PTPRN2: variants seen among roughly 807,000 people sequenced by gnomAD.
PTPRN2 encodes protein tyrosine phosphatase receptor type N2.
A neutral mutation model predicts 118.8 loss-of-function variants in PTPRN2; 74 were observed. The observed-to-expected ratio is 0.62, with a 90% CI of 0.52 to 0.76. PTPRN2 has a LOEUF of 0.76. PTPRN2 is among the 30% of genes least tolerant of loss of function. PTPRN2 has a pLI of 0.00. For missense variants in PTPRN2, 1,481 were observed against 1,394.4 expected (o/e 1.06, Z -0.99); for synonymous variants, 641 against 608.0 (o/e 1.05, Z -0.80).
chr7:158,454,184 C>CACACACAATCACT, intron 2 of PTPRN2, among the ~76,000 whole-genome samples: 1 of 134,598 alleles, frequency 7.4e-6, no homozygotes, highest in South Asian at 2.4e-4. Flanking sequence ...CAAGACACAA[C>CACACACAATCACT]GCACACAATC....
intron 12 of PTPRN2, among the ~76,000 whole-genome samples, chr7:157,693,460 C>T (rs1384821054): frequency 6.6e-6 from 1 of 152,114 alleles, no homozygotes; most frequent in African/African-American, 2.4e-5. Flanking sequence ...GCCCCGGGAT[C>T]GGCCGCTGGG....
chr7:158,116,735 T>C (rs1816760980), intron 9 of PTPRN2, among the ~76,000 whole-genome samples: 1 of 152,218 alleles, frequency 6.6e-6, no homozygotes, highest in Admixed American at 6.5e-5. Context: ...CACCCATTTT[T>C]CCCACCTTCA....
intron 6 of PTPRN2, among the ~76,000 whole-genome samples, chr7:158,157,703 T>A: frequency 6.6e-6 from 1 of 152,152 alleles, no homozygotes; most frequent in East Asian, 1.9e-4. Context: ...GTCCTCAAGG[T>A]GCAGTGAGAC....
intron 12 of PTPRN2, among the ~76,000 whole-genome samples, chr7:157,749,222 T>C (rs1214653728): frequency 4.1e-5 from 5 of 121,338 alleles, no homozygotes; most frequent in Non-Finnish European, 1.7e-5. Context: ...CCTGCGTCCC[T>C]GAGCTGTGGG....
intron 12 of PTPRN2, among the ~76,000 whole-genome samples, chr7:157,684,452 G>A: frequency 6.7e-6 from 1 of 149,336 alleles, no homozygotes; most frequent in Non-Finnish European, 1.5e-5. Flanking sequence ...AGGGAGCCGG[G>A]AGAGGGAGGA....
intron 2 of PTPRN2, among the ~76,000 whole-genome samples, chr7:158,396,399 T>G (rs959021745): frequency 6.6e-6 from 1 of 152,208 alleles, no homozygotes. Context: ...TGAGGTGAAG[T>G]CTGTGTGTGT....
Position 158,067,654 on chromosome 7 carries a change from C to T in PTPRN2, c.1723+13644G>A, listed in dbSNP as rs1405264258. Reference sequence around the variant, plus strand: ...TGGGTCGGGCAGTCCACCGTGACCACGCAGCTCTGCCTGTGGCGAAAGCTG... The same window carrying T: ...TGGGTCGGGCAGTCCACCGTGACCATGCAGCTCTGCCTGTGGCGAAAGCTG... On this transcript the variant is annotated intron_variant, in intron 11 of 22. Coordinates refer to ENST00000389418, the MANE Select transcript of PTPRN2 (RefSeq NM_002847.5). 5.9e-5 allele frequency among the ~76,000 whole-genome samples: 9 copies of T among 152,240 alleles called. No individual in the cohort carries two copies. In the South Asian group the frequency reaches 1.5e-3, roughly 25 times the overall value.
intron 11 of PTPRN2, among the ~76,000 whole-genome samples, chr7:157,945,464 A>G (rs1007568681): frequency 6.6e-6 from 1 of 151,978 alleles, no homozygotes; most frequent in Non-Finnish European, 1.5e-5. Flanking sequence ...ATGTTTCTCC[A>G]ACCCATTCAC....
intron 4 of PTPRN2, among the ~76,000 whole-genome samples, chr7:158,202,097 A>G (rs1585833018): frequency 6.6e-6 from 1 of 152,252 alleles, no homozygotes; most frequent in Non-Finnish European, 1.5e-5. Flanking sequence ...AATATCCCAA[A>G]TCACACAACA....
intron 2 of PTPRN2, among the ~76,000 whole-genome samples, chr7:158,328,932 C>T (rs980972221): frequency 3.3e-5 from 5 of 151,860 alleles, no homozygotes; most frequent in Non-Finnish European, 5.9e-5. Context: ...ACGGTAAATC[C>T]AGGAGAGGCC....
chr7:157,666,732 T>C (rs530610826), intron 13 of PTPRN2, among the ~76,000 whole-genome samples: 284 of 152,328 alleles, frequency 1.9e-3, no homozygotes, highest in Non-Finnish European at 2.9e-3. Context: ...CACAGAGTTG[T>C]TGGGAGGACT....
At chr7:158,197,390 C>T (rs1369021433) in intron 4 of PTPRN2, among the ~76,000 whole-genome samples, 1 of 152,164 alleles carries the variant, frequency 6.6e-6, no homozygotes, top group Non-Finnish European at 1.5e-5. Flanking sequence ...TTCCCACATA[C>T]AGTAATGGAA....
intron 8 of PTPRN2, among the ~76,000 whole-genome samples, chr7:158,135,495 C>A (rs956674762): frequency 6.6e-6 from 1 of 152,094 alleles, no homozygotes; most frequent in South Asian, 2.1e-4. Flanking sequence ...CACTCACATA[C>A]CCTTTTTGAG....
intron 17 of PTPRN2, among the ~76,000 whole-genome samples, chr7:157,589,026 C>A (rs139165387): frequency 6.6e-6 from 1 of 152,136 alleles, no homozygotes; most frequent in Admixed American, 6.5e-5. Flanking sequence ...GCCTTCCCAC[C>A]GTTCTACAAC....
intron 11 of PTPRN2, among the ~76,000 whole-genome samples, chr7:158,004,128 T>C (rs1417934283): frequency 6.6e-6 from 1 of 151,794 alleles, no homozygotes; most frequent in Non-Finnish European, 1.5e-5. Context: ...CTGTTAATGC[T>C]TCCAGTGCCC....
At chr7:157,936,347 C>A (rs575259051) in intron 11 of PTPRN2, among the ~76,000 whole-genome samples, 2 of 152,314 alleles carry the variant, frequency 1.3e-5, no homozygotes, top group East Asian at 3.9e-4. Context: ...CACGTTCACA[C>A]GACATCCCAA....
intron 9 of PTPRN2, among the ~76,000 whole-genome samples, chr7:158,133,294 T>C (rs1240576797): frequency 6.6e-6 from 1 of 152,186 alleles, no homozygotes. Context: ...GCTCAGGCTT[T>C]GCTGTACACT....
chr7:158,067,056 T>C (rs78284613), intron 11 of PTPRN2, among the ~76,000 whole-genome samples: 1,990 of 152,320 alleles, frequency 0.013, 28 homozygotes, highest in East Asian at 0.076. Context: ...ATGAAATTTC[T>C]CTTCTTACAC....
intron 11 of PTPRN2, among the ~76,000 whole-genome samples, chr7:158,074,324 G>A (rs535468535): frequency 2.6e-5 from 4 of 152,140 alleles, no homozygotes; most frequent in East Asian, 1.9e-4. Flanking sequence ...AGACCCCCTC[G>A]GCAGCTTCCC....
Sources: allele counts gnomAD v4.1 joint callset (sites outside exome capture counted in the v4.1 genomes callset), GRCh38; gene constraint gnomAD v4.1.1; transcripts MANE v1.5; gene names NCBI Gene and HGNC (gene_info 2026-07-23, HGNC 2026-07-21).